The following MIA2 variants were observed in gnomAD, a reference collection of about 807,000 sequenced individuals.
The protein encoded by MIA2 is melanoma inhibitory activity protein 2.
Under a neutral mutation model 167.8 loss-of-function variants are expected in MIA2, and 127 were observed. The observed-to-expected ratio is 0.76, with a 90% CI of 0.66 to 0.88. The LOEUF (loss-of-function observed/expected upper bound fraction) is 0.88, where lower values mean the gene tolerates loss of function less well. Among genes scored for constraint, MIA2 ranks in the 40% least tolerant of loss-of-function variants. The probability of loss-of-function intolerance (pLI) is 0.00; values close to 1 mark genes in which losing one functional copy is unlikely to be tolerated. For missense variants in MIA2, 1,690 were observed against 1,624.7 expected (o/e 1.04, Z -0.69); for synonymous variants, 552 against 541.9 (o/e 1.02, Z -0.26).
downstream of MIA2, chr14:39,351,128 T>G (rs2074348361): frequency 1.3e-5 from 2 of 152,184 alleles, no homozygotes; most frequent in African/African-American, 4.8e-5. Context: ...TTAAGCTTCT[T>G]GCACATTAAT....
chr14:39,365,437 A>G lies in MIA2; in HGVS notation c.2248+16460A>G, dbSNP rs150115762. On this transcript the variant is annotated intron_variant, in intron 23 of 23. Coordinates refer to the MIA2 transcript ENST00000341502. ...CAGAATTCAAATATTTGGTTACACT[A>G]TGGTGCTCTGTACATCACATAGGCT... Among the ~76,000 whole-genome samples the G allele has an allele frequency of 1.5e-4, 23 of 152,240 alleles. No individual in the cohort carries two copies. The East Asian group carries it at 1.9e-3, about 13-fold the overall frequency.
intron 9 of MIA2, among the ~76,000 whole-genome samples, chr14:39,286,879 G>A (rs1277120515): frequency 6.9e-6 from 1 of 144,636 alleles, no homozygotes; most frequent in Non-Finnish European, 1.5e-5. Context: ...GTGTGTGTGT[G>A]TGTGTGTGTG....
At chr14:39,269,046 T>C in intron 6 of MIA2, 5 of 979,176 alleles carry the variant, frequency 5.1e-6, no homozygotes, top group Non-Finnish European at 6.1e-6. Flanking sequence ...TTTTCTCTAG[T>C]CTGGTGCGTT....
intron 3 of MIA2, among the ~76,000 whole-genome samples, chr14:39,243,594 G>C (rs768627223): frequency 6.6e-6 from 1 of 152,142 alleles, no homozygotes; most frequent in Non-Finnish European, 1.5e-5. Context: ...GGCTGGGGGT[G>C]GTGGCTCATG....
In MIA2 at chr14:39,326,929, G is replaced by A; in HGVS notation, c.3562G>A (p.Asp1188Asn). Reference sequence around the variant, plus strand: ...CAATGAAAGAGGAGAATCAAGCTGTGATAGGTTAACCGATCCTCATAGGGC... The same window carrying A: ...CAATGAAAGAGGAGAATCAAGCTGTAATAGGTTAACCGATCCTCATAGGGC... ...ITNERGESSC[D>N]RLTDPHRAPS... The change falls in exon 25 of 29, where the codon GAT (aspartate) becomes AAT (asparagine). Residue 1188 changes from aspartate to asparagine, a missense_variant. By Grantham distance (23) the Asp-to-Asn change is conservative. Coordinates refer to ENST00000640607, the MANE Select transcript of MIA2 (RefSeq NM_001329214.4). 6.3e-7 allele frequency: 1 copy of A among 1,598,390 alleles called. No individual in the cohort carries two copies. Among genetic ancestry groups the A allele is most frequent in the East Asian group, 2.3e-5 (1 of 43,096 alleles).
rs3206256 is a variant in MIA2, at chr14:39,388,388, A to T, written c.*1436A>T. 0.19 allele frequency: 28,205 copies of T among 151,388 alleles called. 2,637 individuals are homozygous for T. Among genetic ancestry groups the T allele is most frequent in the Middle Eastern group, 0.28 (83 of 294 alleles). The allele number at this position is 151,388 out of a possible 1,614,324, so 9.4% of individuals were successfully genotyped here. A position where few individuals can be genotyped will look rare whatever the true frequency, so the allele number is the denominator to read the frequency against. Reference sequence around the variant, plus strand: ...TGTCTTTCCATATCCCTTTAAGTCTAAATTTTATGTCCTTACCTGATTTCC... The same window carrying T: ...TGTCTTTCCATATCCCTTTAAGTCTTAATTTTATGTCCTTACCTGATTTCC... On this transcript the variant is annotated 3_prime_UTR_variant, in exon 24 of 24. Transcript: ENST00000341502. The surrounding 1 kb of genome is among the most constrained non-coding windows in gnomAD (Gnocchi z 4.1).
intron 6 of MIA2, 117 bp from the exon 7 acceptor site, chr14:39,276,817 T>C: frequency 9.6e-7 from 1 of 1,036,664 alleles, no homozygotes; most frequent in South Asian, 1.5e-5. Context: ...ATACTTTCTG[T>C]TTGGTGTTAG....
chr14:39,333,999 T>C (rs1283543754), intron 25 of MIA2, among the ~76,000 whole-genome samples: 2 of 152,114 alleles, frequency 1.3e-5, no homozygotes, highest in Non-Finnish European at 2.9e-5. Context: ...ACAGACACAG[T>C]AAAGGAATTT....
chr14:39,381,768 A>G (rs565143910), intron 23 of MIA2, among the ~76,000 whole-genome samples: 5 of 151,946 alleles, frequency 3.3e-5, no homozygotes, highest in African/African-American at 1.2e-4. Flanking sequence ...CATTTGATCA[A>G]GTCAGGTAGA....
chr14:39,368,189 G>T (rs1193009735), intron 23 of MIA2, among the ~76,000 whole-genome samples: 2 of 152,162 alleles, frequency 1.3e-5, no homozygotes, highest in Non-Finnish European at 2.9e-5. Context: ...CACCTGTGAA[G>T]GATTAAGGGG....
Position 39,317,949 on chromosome 14 carries a change from A to C in MIA2, c.3222A>C (p.Ala1074=). The change falls in exon 22 of 29, where the codon GCA becomes GCC. Residue 1074 remains alanine (A), a synonymous_variant. Coordinates refer to ENST00000640607, the MANE Select transcript of MIA2 (RefSeq NM_001329214.4). The part of the protein sequence containing the change: ...HEKKAHDNWL[A]ARNAERNLND... ...AATGTGTTATTTTCTTCAAGTTGGC[A>C]GCTCGGAATGCTGAAAGAAACCTCA... 1 of 1,574,668 alleles carries C rather than the reference A, an allele frequency of 6.4e-7. No homozygotes were observed.
chr14:39,314,446 TA>T (rs530158533), intron 19 of MIA2, among the ~76,000 whole-genome samples: 19 of 144,810 alleles, frequency 1.3e-4, no homozygotes, highest in African/African-American at 2.5e-4. Context: ...TTCTTAAAAA[TA>T]AAAAAAAAAC....
In MIA2 at chr14:39,341,744, A is replaced by G. The variant is rs556417662; in HGVS notation, c.3656-4160A>G. On this transcript the variant is annotated intron_variant, in intron 25 of 28. Transcript: ENST00000640607. ...GTAAAGTGTAGTATGATTATAGGGCATTGTTGAGCATCAGTTTGAAATTTA... is the reference window on the plus strand; with the variant it reads ...GTAAAGTGTAGTATGATTATAGGGCGTTGTTGAGCATCAGTTTGAAATTTA... Among the ~76,000 whole-genome samples, 13 of 152,300 alleles carry G rather than the reference A, an allele frequency of 8.5e-5. 1 individual carries two copies. Among genetic ancestry groups the G allele is most frequent in the African/African-American group, 3.1e-4 (13 of 41,576 alleles).
chr14:39,300,134 TAC>T (rs2062150392), intron 14 of MIA2, 148 bp downstream of exon 14: 1 of 958,120 alleles, frequency 1.0e-6, no homozygotes, highest in African/African-American at 1.7e-5. Flanking sequence ...CTTGAAGACT[TAC>T]AGATTTGTCA....
intron 3 of MIA2, among the ~76,000 whole-genome samples, chr14:39,244,652 G>T (rs186636157): frequency 2.6e-4 from 39 of 151,870 alleles, no homozygotes; most frequent in African/African-American, 9.4e-4. Context: ...CTAACATTCA[G>T]ATTAAAAAAA....
chr14:39,378,352 A>T (rs2075085415), intron 23 of MIA2, among the ~76,000 whole-genome samples: 1 of 152,246 alleles, frequency 6.6e-6, no homozygotes, highest in African/African-American at 2.4e-5. Flanking sequence ...ATATTGGATC[A>T]GCAAACCTCA....
chr14:39,267,331 C>T (rs2055989565), intron 6 of MIA2: 2 of 1,537,260 alleles, frequency 1.3e-6, no homozygotes, highest in Non-Finnish European at 1.7e-6. Context: ...CAGCCGGCTC[C>T]GCAGTGGTCC....
intron 6 of MIA2, chr14:39,265,792 TAA>T (rs1170894455): frequency 4.8e-6 from 1 of 209,300 alleles, no homozygotes; most frequent in Non-Finnish European, 8.8e-6. Flanking sequence ...ATTCTAAAGA[TAA>T]AAGTTTGATT....
At chr14:39,376,689 C>T (rs1292565126) in intron 23 of MIA2, among the ~76,000 whole-genome samples, 2 of 152,034 alleles carry the variant, frequency 1.3e-5, no homozygotes, top group Non-Finnish European at 2.9e-5. Flanking sequence ...GAAGACACAC[C>T]CAGGAGACAG....
Sources: gnomAD v4.1 joint callset for allele counts (sites outside exome capture counted in the v4.1 genomes callset) on GRCh38, gnomAD v4.1.1 for gene constraint, Gnocchi (gnomAD v3.1) non-coding constraint, MANE v1.5 for transcripts, NCBI Gene and HGNC (gene_info 2026-07-23, HGNC 2026-07-21) for gene names.